The following RAP1GAP2 variants were observed in gnomAD, a reference collection of about 807,000 sequenced individuals.
The protein encoded by RAP1GAP2 is RAP1 GTPase activating protein 2, also known as rap1 GTPase-activating protein 2.
RAP1GAP2 carries 27 observed loss-of-function variants against 95.0 expected under a neutral mutation model. The observed-to-expected ratio is 0.28, with a 90% CI of 0.21 to 0.39. RAP1GAP2 has a LOEUF of 0.39. Ranked by LOEUF, RAP1GAP2 falls within the 10% of genes least tolerant of loss-of-function variation. The pLI is 1.00. For synonymous variants in RAP1GAP2, 373 were observed against 380.9 expected, an observed-to-expected ratio of 0.98 and a Z score of 0.24; for missense variants, 771 against 970.0, an observed-to-expected ratio of 0.79 and a Z score of 2.72.
intron 2 of RAP1GAP2, among the ~76,000 whole-genome samples, chr17:2,815,692 G>A (rs1367752535): frequency 6.6e-6 from 1 of 152,062 alleles, no homozygotes; most frequent in East Asian, 1.9e-4. Context: ...ACGTTGACCA[G>A]GCTGGTCTTG....
intron 2 of RAP1GAP2, among the ~76,000 whole-genome samples, chr17:2,844,674 G>A (rs2151578529): frequency 6.6e-6 from 1 of 152,222 alleles, no homozygotes; most frequent in Admixed American, 6.5e-5. Context: ...GGGTGGGAAG[G>A]ATCATTAACA....
At chr17:2,782,349 G>A (rs2151449888) in intron 1 of RAP1GAP2, among the ~76,000 whole-genome samples, 1 of 152,324 alleles carries the variant, frequency 6.6e-6, no homozygotes, top group East Asian at 1.9e-4. Context: ...AGTCAGGGAT[G>A]GCTGCAGGGG....
At chr17:2,796,018 T>G (rs2069069667), upstream of RAP1GAP2, among the ~76,000 whole-genome samples, 1 of 152,196 alleles carries the variant, frequency 6.6e-6, no homozygotes, top group Non-Finnish European at 1.5e-5. The surrounding 1 kb of genome is among the most constrained non-coding windows in gnomAD (Gnocchi z 4.7). Context: ...CTGGTTCCTC[T>G]GGCGTGTGCC....
chr17:2,985,580 G>GTTTC (rs1268558661), intron 11 of RAP1GAP2, among the ~76,000 whole-genome samples: 1 of 152,168 alleles, frequency 6.6e-6, no homozygotes, highest in African/African-American at 2.4e-5. Flanking sequence ...AAACACCAGG[G>GTTTC]TTTCTATCTT....
chr17:2,947,050 C>T (rs7222785), intron 3 of RAP1GAP2, among the ~76,000 whole-genome samples: 3,065 of 152,304 alleles, frequency 0.02, 104 homozygotes, highest in African/African-American at 0.07. Context: ...CCACCGTGCC[C>T]GGCCGGAAAC....
At position 2,764,609 on chromosome 17, in the gene RAP1GAP2, T is replaced by C. The variant is rs1027697590; in HGVS notation, c.51-5720T>C. Among the ~76,000 whole-genome samples, 24 of 151,876 alleles carry C rather than the reference T, an allele frequency of 1.6e-4. No individual in the cohort carries two copies. The East Asian group carries it at 4.3e-3, about 27-fold the overall frequency. Reference sequence around the variant, plus strand: ...GGTGGCAGGCACCTATAATCCCAGCTACTCAGGAGGCTGAGGCAGGAGAAT... The same window carrying C: ...GGTGGCAGGCACCTATAATCCCAGCCACTCAGGAGGCTGAGGCAGGAGAAT... On this transcript the variant is annotated intron_variant, in intron 1 of 25. Transcript: ENST00000637138.
chr17:2,910,453 C>G (rs1359367998), intron 3 of RAP1GAP2, among the ~76,000 whole-genome samples: 2 of 152,128 alleles, frequency 1.3e-5, no homozygotes, highest in Admixed American at 6.5e-5. Flanking sequence ...GGCCTCTCTC[C>G]GAGGGTCCCT....
At chr17:2,847,211 G>T (rs539577977) in intron 2 of RAP1GAP2, among the ~76,000 whole-genome samples, 3 of 152,162 alleles carry the variant, frequency 2.0e-5, no homozygotes, top group African/African-American at 7.2e-5. Flanking sequence ...GTTTCACCAT[G>T]TTGGCCAGAC....
chr17:2,879,554 C>T (rs2073214475), intron 2 of RAP1GAP2, among the ~76,000 whole-genome samples: 2 of 151,890 alleles, frequency 1.3e-5, no homozygotes, highest in Non-Finnish European at 2.9e-5. Context: ...GGTGAAACCC[C>T]GTCTCTACTA....
intron 3 of RAP1GAP2, among the ~76,000 whole-genome samples, chr17:2,923,950 A>G (rs925985920): frequency 3.3e-5 from 5 of 152,210 alleles, no homozygotes; most frequent in Non-Finnish European, 7.3e-5. Context: ...TCCTTGCATT[A>G]ACCAATGAAG....
intron 1 of RAP1GAP2, among the ~76,000 whole-genome samples, chr17:2,778,886 A>C (rs1327049548): frequency 6.6e-6 from 1 of 152,228 alleles, no homozygotes; most frequent in Non-Finnish European, 1.5e-5. Flanking sequence ...GGAGCCTTAC[A>C]GACAGAACTG....
In RAP1GAP2 at chr17:2,764,741, AT is replaced by A. The variant is rs1301142775; in HGVS notation, c.51-5587del. 1.1e-4 allele frequency among the ~76,000 whole-genome samples: 17 copies of A among 152,338 alleles called. 2 individuals are homozygous for A. In the South Asian group the frequency reaches 3.5e-3, roughly 32 times the overall value. ...GTCTCAAAAATAAATAAATAAAAAA[AT>A]AAAAATAAAAACAGAGTGAGATTCC... On this transcript the variant is annotated intron_variant, in intron 1 of 25. Transcript: ENST00000637138.
chr17:2,924,545 G>A (rs1249644909), intron 3 of RAP1GAP2, among the ~76,000 whole-genome samples: 1 of 151,886 alleles, frequency 6.6e-6, no homozygotes, highest in East Asian at 1.9e-4. Context: ...CGGAGGTGGG[G>A]AGGGGAAAAG....
chr17:2,832,333 T>C (rs12601319), intron 2 of RAP1GAP2, among the ~76,000 whole-genome samples: 47,241 of 149,304 alleles, frequency 0.32, 10,173 homozygotes, highest in African/African-American at 0.62. Flanking sequence ...CCAAGGTGGG[T>C]GGATCACGAG....
Position 2,998,212 on chromosome 17 carries a change from T to C in RAP1GAP2, c.1045-9T>C, listed in dbSNP as rs764719242. 20 of 1,612,940 alleles carry C rather than the reference T, an allele frequency of 1.2e-5. No homozygotes were observed. In the South Asian group the frequency reaches 2.0e-4, roughly 16 times the overall value. ...ACTGGCTTATAACCTCTCAACACTT[T>C]TTATTTAGCTCCAGAGAAAGAGACA... On this transcript the variant is annotated splice_polypyrimidine_tract_variant and intron_variant, in intron 13 of 24. Coordinates refer to ENST00000254695, the MANE Select transcript of RAP1GAP2 (RefSeq NM_015085.5).
chr17:3,028,412 A>C (rs939511867), intron 22 of RAP1GAP2, among the ~76,000 whole-genome samples: 1 of 152,170 alleles, frequency 6.6e-6, no homozygotes, highest in Non-Finnish European at 1.5e-5. Context: ...AGCAATGTAC[A>C]GGACAGCCCC....
At chr17:2,769,353 A>G (rs553405057) in intron 1 of RAP1GAP2, among the ~76,000 whole-genome samples, 42 of 149,006 alleles carry the variant, frequency 2.8e-4, no homozygotes, top group African/African-American at 1.0e-3. Context: ...CAGGAGATCG[A>G]GACCATCCTG....
chr17:2,990,340 C>T (rs2045708532), intron 11 of RAP1GAP2, among the ~76,000 whole-genome samples: 1 of 152,188 alleles, frequency 6.6e-6, no homozygotes, highest in African/African-American at 2.4e-5. Flanking sequence ...TTTGGTGACT[C>T]TGTTTAGCCT....
rs927733714 is a variant in RAP1GAP2 at position 3,003,992 on chromosome 17, T to C, written c.1201-1377T>C. Among the ~76,000 whole-genome samples, 3 of 151,070 alleles carry C rather than the reference T, an allele frequency of 2.0e-5. No homozygotes were observed. Among genetic ancestry groups the C allele is most frequent in the African/African-American group, 4.9e-5 (2 of 41,108 alleles). ...ACACGGTCGGCACAGACCACTCTAA[T>C]GCAGGCTGGAGGAGGAGGGGGAGTG... On this transcript the variant is annotated intron_variant, in intron 14 of 24. Coordinates refer to ENST00000254695, the MANE Select transcript of RAP1GAP2 (RefSeq NM_015085.5). This position sits in a 1 kb window ranked among gnomAD's most constrained non-coding sequence, Gnocchi z 4.1.
Sources: gnomAD v4.1 joint callset for allele counts (sites outside exome capture counted in the v4.1 genomes callset) on GRCh38, gnomAD v4.1.1 for gene constraint, Gnocchi (gnomAD v3.1) non-coding constraint, MANE v1.5 for transcripts, NCBI Gene and HGNC (gene_info 2026-07-23, HGNC 2026-07-21) for gene names.